The following RHOBTB3 variants were observed in gnomAD, a reference collection of about 807,000 sequenced individuals.
The protein encoded by RHOBTB3 is rho-related BTB domain-containing protein 3.
Under a neutral mutation model 67.2 loss-of-function variants are expected in RHOBTB3, and 47 were observed. The observed-to-expected ratio is 0.70, with a 90% CI of 0.55 to 0.89. The LOEUF (loss-of-function observed/expected upper bound fraction) is 0.89, where lower values mean the gene tolerates loss of function less well. Ranked by LOEUF, RHOBTB3 falls within the 40% of genes least tolerant of loss-of-function variation. The pLI is 0.00. For missense variants in RHOBTB3, 631 were observed against 750.0 expected (o/e 0.84, Z 1.85); for synonymous variants, 273 against 274.2 (o/e 1.00, Z 0.04).
Position 95,793,855 on chromosome 5 carries a change from G to GGCCC in RHOBTB3, c.*681_*682insGCCC, listed in dbSNP as rs1746493125. 2.6e-6 allele frequency: 1 copy of GGCCC among 379,916 alleles called. No homozygotes were observed. Among genetic ancestry groups the GGCCC allele is most frequent in the Non-Finnish European group, 5.2e-6 (1 of 193,388 alleles). 23.5% of individuals were successfully genotyped at this position (379,916 alleles called of 1,614,324 possible). On this transcript the variant is annotated 3_prime_UTR_variant, in exon 12 of 12. Transcript: ENST00000379982. The stretch of plus-strand genomic sequence containing the variant: ...GCAGCACAGGGCCCACACTTAGAAG[G>GGCCC]ACCCCACACTTGGTTCAAGGCTCTG...
At chr5:95,731,042 T>A, upstream of RHOBTB3, 1 of 1,014,352 alleles carries the variant, frequency 9.9e-7, no homozygotes, top group Non-Finnish European at 1.3e-6. Flanking sequence ...TTCCTGGCTC[T>A]GGTTACGGCC....
chr5:95,790,418 C>T (rs995850160), intron 11 of RHOBTB3, among the ~76,000 whole-genome samples: 14 of 152,166 alleles, frequency 9.2e-5, no homozygotes, highest in African/African-American at 3.4e-4. Flanking sequence ...AGATTATTTT[C>T]TACTTACTAT....
At chr5:95,752,925 A>AT (rs1745131310) in intron 5 of RHOBTB3, among the ~76,000 whole-genome samples, 1 of 152,030 alleles carries the variant, frequency 6.6e-6, no homozygotes, top group African/African-American at 2.4e-5. Flanking sequence ...AGGTCAGGAG[A>AT]TCGAGACCAT....
rs1295946591 is a variant in RHOBTB3 at position 95,748,262 on chromosome 5, T to A, written c.416-71T>A. ...GTATGAGCTCTTTGTTGTTTAATGT[T>A]CAGATTGTCTGTGTACCTTTTTTTT... is the stretch of plus-strand genomic sequence containing the variant. On this transcript the variant is annotated intron_variant, in intron 3 of 11. Transcript: ENST00000379982. 2.6e-5 allele frequency: 30 copies of A among 1,172,266 alleles called. No individual in the cohort carries two copies. The East Asian group carries it at 6.3e-4, about 25-fold the overall frequency. 72.6% of individuals were successfully genotyped at this position (1,172,266 alleles called of 1,614,324 possible).
At chr5:95,732,212 T>G (rs756764420) in intron 2 of RHOBTB3, 128 bp downstream of exon 2, 1 of 820,468 alleles carries the variant, frequency 1.2e-6, no homozygotes, top group Non-Finnish European at 2.0e-6. Flanking sequence ...TTTTTAAACA[T>G]TTTTGAGAAA....
chr5:95,776,443 A>C (rs1050592263), intron 8 of RHOBTB3, among the ~76,000 whole-genome samples: 28 of 152,016 alleles, frequency 1.8e-4, no homozygotes, highest in African/African-American at 6.3e-4. Flanking sequence ...AAATAAATTT[A>C]AAAAATGTAA....
In RHOBTB3 at chr5:95,748,355, A is replaced by T. The variant is rs200714182; in HGVS notation, c.438A>T (p.Pro146=). ...CAGAAGAGTTACCTTGTACATGCCCACTATGTACCTCAGACAGAGGGAGCT... is the reference window on the plus strand; with the variant it reads ...CAGAAGAGTTACCTTGTACATGCCCTCTATGTACCTCAGACAGAGGGAGCT... ...RQNEELPCTC[P]LCTSDRGSCV... is the part of the protein sequence containing the mutation. The change falls in exon 4 of 12, where the codon CCA becomes CCT. Residue 146 remains proline, a synonymous_variant. Transcript: ENST00000379982. 7.0e-5 allele frequency: 112 copies of T among 1,609,712 alleles called. No homozygotes were observed. The Middle Eastern group carries it at 1.7e-3, about 24-fold the overall frequency.
chr5:95,775,428 A>G, intron 8 of RHOBTB3, among the ~76,000 whole-genome samples: 1 of 148,960 alleles, frequency 6.7e-6, no homozygotes. Flanking sequence ...ATATACACAT[A>G]TATATACTAT....
intron 6 of RHOBTB3, among the ~76,000 whole-genome samples, chr5:95,757,479 A>G (rs2112802490): frequency 6.6e-6 from 1 of 152,384 alleles, no homozygotes; most frequent in East Asian, 1.9e-4. Flanking sequence ...CTAATTGGGA[A>G]CAGACAAAAA....
chr5:95,731,551 G>T lies in RHOBTB3; in HGVS notation c.-132G>T. Reference sequence around the variant, plus strand: ...GGCCCCGCTCTGCGTCGGCCCCGCCGCGGTGGAGGCGCGCGAGGGGGACGC... The same window carrying T: ...GGCCCCGCTCTGCGTCGGCCCCGCCTCGGTGGAGGCGCGCGAGGGGGACGC... On this transcript the variant is annotated 5_prime_UTR_variant, in exon 1 of 12. Coordinates refer to ENST00000379982, the MANE Select transcript of RHOBTB3 (RefSeq NM_014899.4). 6.9e-7 allele frequency: 1 copy of T among 1,444,224 alleles called. No individual in the cohort carries two copies. Among genetic ancestry groups the T allele is most frequent in the South Asian group, 1.4e-5 (1 of 69,180 alleles). 89.5% of individuals were successfully genotyped at this position (1,444,224 alleles called of 1,614,324 possible).
Position 95,788,806 on chromosome 5 carries a change from T to A in RHOBTB3, c.1668T>A (p.Ile556=), listed in dbSNP as rs368173073. 1.9e-6 allele frequency: 3 copies of A among 1,583,104 alleles called. No homozygotes were observed. The highest frequency in any genetic ancestry group is 2.6e-6 in the Non-Finnish European group (3 of 1,169,784). Reference sequence around the variant, plus strand: ...TTTCAACCTGGCTACTTCATTTCATTGCTACTAACTACCTCATCTTCAGTC... The same window carrying A: ...TTTCAACCTGGCTACTTCATTTCATAGCTACTAACTACCTCATCTTCAGTC... ...DCLSTWLLHF[I]ATNYLIFSQK... Residue 556 remains isoleucine (I), a synonymous_variant, in exon 11 of 12, where the codon ATT becomes ATA. Coordinates refer to ENST00000379982, the MANE Select transcript of RHOBTB3 (RefSeq NM_014899.4).
chr5:95,760,798 G>A (rs974678422), intron 6 of RHOBTB3, among the ~76,000 whole-genome samples: 2 of 152,056 alleles, frequency 1.3e-5, no homozygotes, highest in Admixed American at 6.6e-5. Flanking sequence ...TAATGATATC[G>A]CATTATATAC....
chr5:95,731,895 C>G lies in RHOBTB3; in HGVS notation c.39C>G (p.Asp13Glu). The G allele has an allele frequency of 6.2e-7, 1 of 1,613,934 alleles. No homozygotes were observed. The highest frequency in any genetic ancestry group is 8.5e-7 in the Non-Finnish European group (1 of 1,179,882). Residue 13 changes from aspartate to glutamate, a missense_variant, in exon 2 of 12, where the codon GAC (aspartate) becomes GAG (glutamate). Asp to Glu is a conservative substitution (Grantham distance 45, BLOSUM62 2). Transcript: ENST00000379982. ...TCGTGGCGCTGGGGAACGAGGGGGA[C>G]ACATTCCACCAGGACAACCGGCCGT... ...IHIVALGNEG[D>E]TFHQDNRPSG... is the part of the protein sequence containing the mutation.
At chr5:95,735,880 T>A (rs1755442994) in intron 2 of RHOBTB3, among the ~76,000 whole-genome samples, 1 of 152,200 alleles carries the variant, frequency 6.6e-6, no homozygotes, top group African/African-American at 2.4e-5. Context: ...GTGGGCAGAC[T>A]GCCTGAGCTC....
chr5:95,731,940 C>A lies in RHOBTB3; in HGVS notation c.84C>A (p.Tyr28Ter), dbSNP rs971690730. The A allele has an allele frequency of 6.2e-7, 1 of 1,614,130 alleles. No homozygotes were observed. Among genetic ancestry groups the A allele is most frequent in the Non-Finnish European group, 8.5e-7 (1 of 1,180,034 alleles). ...DNRPSGLIRT[Y>*]LGRSPLVSGD... ...GGCCGTCGGGGCTTATCCGCACTTA[C>A]CTGGGGAGAAGCCCTCTGGTCTCCG... The change falls in exon 2 of 12, where the codon TAC (tyrosine) becomes TAA (stop). Residue 28 changes from tyrosine (Y) to a stop codon, truncating the protein, a stop_gained. Coordinates refer to ENST00000379982, the MANE Select transcript of RHOBTB3 (RefSeq NM_014899.4). LOFTEE classifies it high-confidence loss of function.
intron 8 of RHOBTB3, chr5:95,770,394 G>A (rs1412410155): frequency 4.4e-6 from 1 of 225,910 alleles, no homozygotes; most frequent in African/African-American, 2.3e-5. Context: ...ATAAAAAATT[G>A]GTATAGAAAT....
intron 7 of RHOBTB3, chr5:95,767,661 A>T: frequency 1.8e-6 from 1 of 569,814 alleles, no homozygotes; most frequent in Non-Finnish European, 3.2e-6. Context: ...TTACAAATCA[A>T]GGACTGTCTT....
chr5:95,728,515 T>C (rs938846583), upstream of RHOBTB3, among the ~76,000 whole-genome samples: 1 of 152,362 alleles, frequency 6.6e-6, no homozygotes, highest in Non-Finnish European at 1.5e-5. Flanking sequence ...TAACATTCAC[T>C]GAACTTATCT....
At chr5:95,755,860 C>A in intron 6 of RHOBTB3, 99 bp downstream of exon 6, 1 of 1,089,218 alleles carries the variant, frequency 9.2e-7, no homozygotes, top group South Asian at 1.5e-5. Context: ...TTACAGTGGT[C>A]TTTACCTACC....
Sources: allele counts gnomAD v4.1 joint callset (sites outside exome capture counted in the v4.1 genomes callset), GRCh38; gene constraint gnomAD v4.1.1; transcripts MANE v1.5; gene names NCBI Gene and HGNC (gene_info 2026-07-23, HGNC 2026-07-21).